RABGEF1: variants seen among roughly 807,000 people sequenced by gnomAD.
RABGEF1 encodes RAB guanine nucleotide exchange factor 1.
In RABGEF1, 26 loss-of-function variants were observed where a neutral mutation model predicts 57.3. The observed-to-expected ratio is 0.45, with a 90% confidence interval of 0.33 to 0.63. The LOEUF is 0.63. Among genes scored for constraint, RABGEF1 ranks in the 20% least tolerant of loss-of-function variants. The pLI, the probability that RABGEF1 is intolerant of heterozygous loss-of-function variation, is 0.02. For synonymous variants in RABGEF1, 185 were observed against 210.7 expected, an observed-to-expected ratio of 0.88 and a Z score of 1.06; for missense variants, 464 against 607.6, an observed-to-expected ratio of 0.76 and a Z score of 2.48.
At chr7:66,667,751 A>G in the RABGEF1 span, 1 of 152,298 alleles carries the variant, frequency 6.6e-6, no homozygotes, top group Admixed American at 6.5e-5. Context: ...GAATGCTCCC[A>G]CGTCCCCAAG....
chr7:66,775,333 C>G lies in RABGEF1; in HGVS notation c.286C>G (p.Arg96Gly), dbSNP rs373315327. 6.2e-7 allele frequency: 1 copy of G among 1,613,938 alleles called. No individual in the cohort carries two copies. Among genetic ancestry groups the G allele is most frequent in the South Asian group, 1.1e-5 (1 of 91,068 alleles). The change falls in exon 3 of 9, where the codon CGC (arginine) becomes GGC (glycine). Residue 96 changes from arginine (R) to glycine (G), a missense_variant. Physicochemically the swap from Arg to Gly is moderately radical, Grantham distance 125 (BLOSUM62 -2). This residue lies in a region of RABGEF1 where 284 missense variants were observed against 389.9 expected (regional missense o/e 0.73). Transcript: ENST00000284957. ...AGAAAAGAAAACCAACGAGAAGACC[C>G]GCAAGGTTACCACAGTGAAGAAATT... is the stretch of plus-strand genomic sequence containing the variant. ...FEEKKTNEKTRKVTTVKKFFS... is the reference protein window; with the variant it reads ...FEEKKTNEKTGKVTTVKKFFS...
chr7:66,764,969 A>T (rs1474457098), intron 1 of RABGEF1, among the ~76,000 whole-genome samples: 1 of 152,054 alleles, frequency 6.6e-6, no homozygotes, highest in Non-Finnish European at 1.5e-5. Flanking sequence ...TTTAGAGTTC[A>T]TGTGCTTTCA....
At chr7:66,695,614 G>T (rs555478141) in intron 1 of RABGEF1, among the ~76,000 whole-genome samples, 2 of 151,760 alleles carry the variant, frequency 1.3e-5, no homozygotes, top group African/African-American at 2.4e-5. Context: ...GAAAGTGAGG[G>T]ATTAGAAGTG....
At position 66,722,830 on chromosome 7, in the gene RABGEF1, T is replaced by G. The variant is rs1292404423; in HGVS notation, c.-815+10606T>G. Among the ~76,000 whole-genome samples, 3 of 152,328 alleles carry G rather than the reference T, an allele frequency of 2.0e-5. No homozygotes were observed. The East Asian group carries it at 5.8e-4, about 29-fold the overall frequency. On this transcript the variant is annotated intron_variant and NMD_transcript_variant, in intron 2 of 9. Transcript: ENST00000607882. ...CGTGTCACTTTCTACAACAGGCAGC[T>G]GAGATTTTGATAAGGATTACACTGA...
At chr7:66,782,744 C>T (rs1319814302) in intron 3 of RABGEF1, among the ~76,000 whole-genome samples, 2 of 151,864 alleles carry the variant, frequency 1.3e-5, no homozygotes, top group Non-Finnish European at 2.9e-5. Context: ...TGAGATCATG[C>T]CACTGCACTC....
At chr7:66,803,098 C>A (rs1190775074) in intron 7 of RABGEF1, among the ~76,000 whole-genome samples, 1 of 152,096 alleles carries the variant, frequency 6.6e-6, no homozygotes, top group Non-Finnish European at 1.5e-5. Flanking sequence ...ATCAATGTAA[C>A]AATAATTATA....
intron 1 of RABGEF1, among the ~76,000 whole-genome samples, chr7:66,754,787 G>A (rs1802309213): frequency 1.3e-5 from 2 of 152,290 alleles, no homozygotes; most frequent in African/African-American, 4.8e-5. Flanking sequence ...CAGTGTGGGC[G>A]TGTGTGTATG....
At chr7:66,781,852 C>T (rs1241906901) in intron 3 of RABGEF1, among the ~76,000 whole-genome samples, 3 of 152,208 alleles carry the variant, frequency 2.0e-5, no homozygotes, top group Non-Finnish European at 4.4e-5. Flanking sequence ...TGGCCTCTCC[C>T]TGTGCCAAGA....
chr7:66,739,381 G>A (rs1361974389), upstream of RABGEF1, among the ~76,000 whole-genome samples: 3 of 151,412 alleles, frequency 2.0e-5, no homozygotes, highest in African/African-American at 7.3e-5. Context: ...CGGGCCGGGC[G>A]CAGTAGCTCA....
At chr7:66,756,852 A>T (rs1262609527) in intron 1 of RABGEF1, among the ~76,000 whole-genome samples, 2 of 152,068 alleles carry the variant, frequency 1.3e-5, no homozygotes, top group Non-Finnish European at 2.9e-5. Context: ...TTTATTGAAA[A>T]TTTCCCCTTC....
At position 66,811,017 on chromosome 7, in the gene RABGEF1, GAATAACCTGGGCCCAAGT is replaced by G. The variant is rs1789377846; in HGVS notation, c.*1734_*1751del. 6.6e-6 allele frequency: 1 copy of G among 152,188 alleles called. No individual in the cohort carries two copies. Among genetic ancestry groups the G allele is most frequent in the South Asian group, 2.1e-4 (1 of 4,826 alleles). 9.4% of individuals were successfully genotyped at this position (152,188 alleles called of 1,614,324 possible). ...AAATGCCAGTGAGAATCTTCTTATA[GAATAACCTGGGCCCAAGT>G]GATTTTAGTACAAAACTTGCCCTTC... On this transcript the variant is annotated 3_prime_UTR_variant, in exon 9 of 9. Coordinates refer to ENST00000284957, the MANE Select transcript of RABGEF1 (RefSeq NM_014504.3).
intron 3 of RABGEF1, among the ~76,000 whole-genome samples, chr7:66,775,719 T>G (rs1349883145): frequency 6.6e-6 from 1 of 152,212 alleles, no homozygotes; most frequent in Non-Finnish European, 1.5e-5. Flanking sequence ...GGATCCTGGT[T>G]TGTTCTGTGG....
At chr7:66,790,191 A>G (rs1031763071) in intron 4 of RABGEF1, among the ~76,000 whole-genome samples, 4 of 152,230 alleles carry the variant, frequency 2.6e-5, no homozygotes, top group Non-Finnish European at 5.9e-5. Flanking sequence ...TTCCAGAAGA[A>G]GAAATTAAAG....
chr7:66,665,301 T>G, the RABGEF1 span: 2 of 133,284 alleles, frequency 1.5e-5, no homozygotes, highest in African/African-American at 3.0e-5. Context: ...CACACCACTA[T>G]GCCGTGCTAA....
At chr7:66,687,224 C>G (rs1204593204) in intron 1 of RABGEF1, among the ~76,000 whole-genome samples, 3 of 146,778 alleles carry the variant, frequency 2.0e-5, no homozygotes, top group Non-Finnish European at 4.5e-5. Context: ...CTCCCAAGTT[C>G]AAGCAGTCCT....
At chr7:66,666,913 C>T in the RABGEF1 span, among the ~76,000 whole-genome samples, 1 of 152,182 alleles carries the variant, frequency 6.6e-6, no homozygotes, top group African/African-American at 2.4e-5. Context: ...ACAGCCTCTC[C>T]ACCACAGTAG....
chr7:66,663,307 TG>T, the RABGEF1 span, among the ~76,000 whole-genome samples: 3 of 152,340 alleles, frequency 2.0e-5, 1 homozygote, highest in Admixed American at 2.0e-4. Context: ...GTGAGATCCC[TG>T]ATTTCCCACT....
upstream of RABGEF1, among the ~76,000 whole-genome samples, chr7:66,681,513 C>G (rs1262091345): frequency 6.6e-6 from 1 of 151,864 alleles, no homozygotes; most frequent in South Asian, 2.1e-4. Context: ...ATCCTCCCAC[C>G]TCAGCCTCCC....
chr7:66,809,090 A>G lies in RABGEF1; in HGVS notation c.1282A>G (p.Met428Val), dbSNP rs747046892. 1.9e-5 allele frequency: 31 copies of G among 1,614,086 alleles called. No individual in the cohort carries two copies. Among genetic ancestry groups the G allele is most frequent in the Admixed American group, 1.7e-5 (1 of 59,994 alleles). ...SQLNERQERI[M>V]NEAKKLEKDL... Reference sequence around the variant, plus strand: ...GTTGAATGAACGACAAGAAAGGATCATGAATGAAGCCAAGAAACTGGAAAA... The same window carrying G: ...GTTGAATGAACGACAAGAAAGGATCGTGAATGAAGCCAAGAAACTGGAAAA... The change falls in exon 9 of 9, where the codon ATG becomes GTG. Residue 428 changes from methionine (M) to valine (V), a missense_variant. Transcript: ENST00000284957.
Sources: gnomAD v4.1 joint callset for allele counts (sites outside exome capture counted in the v4.1 genomes callset) on GRCh38, gnomAD v4.1.1 for gene constraint, gnomAD v4.1.1 regional missense constraint, MANE v1.5 for transcripts, NCBI Gene and HGNC (gene_info 2026-07-23, HGNC 2026-07-21) for gene names.